The following STARD13 variants were observed in gnomAD, a reference collection of about 807,000 sequenced individuals.
STARD13 encodes stAR-related lipid transfer protein 13.
STARD13 carries 62 observed loss-of-function variants against 106.4 expected under a neutral mutation model. The observed-to-expected ratio is 0.58, with a 90% CI of 0.48 to 0.72. STARD13 has a LOEUF of 0.72. STARD13 is among the 30% of genes least tolerant of loss of function. The pLI is 0.00. For synonymous variants in STARD13, 565 were observed against 553.0 expected (o/e 1.02, Z -0.31); for missense variants, 1,387 against 1,424.0 (o/e 0.97, Z 0.42).
intron 1 of STARD13, among the ~76,000 whole-genome samples, chr13:33,270,809 T>C (rs1173796043): frequency 6.6e-6 from 1 of 152,230 alleles, no homozygotes; most frequent in Non-Finnish European, 1.5e-5. Context: ...GTCTTATCCA[T>C]AGTTTAGGCT....
the STARD13 span, among the ~76,000 whole-genome samples, chr13:33,593,111 C>T: frequency 8.9e-3 from 1,355 of 152,288 alleles, 14 homozygotes; most frequent in Non-Finnish European, 0.014. Context: ...CCAAGGCTGA[C>T]AATTATGTCA....
the STARD13 span, among the ~76,000 whole-genome samples, chr13:33,557,814 G>C: frequency 2.6e-5 from 4 of 152,162 alleles, no homozygotes; most frequent in Admixed American, 6.5e-5. Flanking sequence ...CCGTTGCTAA[G>C]AGGCAGGAAG....
At chr13:33,315,108 A>G (rs1208824175) in intron 1 of STARD13, among the ~76,000 whole-genome samples, 1 of 152,216 alleles carries the variant, frequency 6.6e-6, no homozygotes, top group Non-Finnish European at 1.5e-5. Context: ...ATACTTTGTC[A>G]AGGAACAGAC....
At chr13:33,654,884 T>C in the STARD13 span, 1 of 152,372 alleles carries the variant, frequency 6.6e-6, no homozygotes, top group East Asian at 1.9e-4. Context: ...GCCTCAGACT[T>C]AGCTGCTTCT....
chr13:33,167,483 C>A, intron 2 of STARD13, 68 bp downstream of exon 2: 1 of 1,526,448 alleles, frequency 6.6e-7, no homozygotes, highest in South Asian at 1.2e-5. Flanking sequence ...TCAAAACACA[C>A]CACAGGATAC....
At chr13:33,668,249 C>G in the STARD13 span, among the ~76,000 whole-genome samples, 5 of 152,258 alleles carry the variant, frequency 3.3e-5, no homozygotes, top group African/African-American at 9.6e-5. Context: ...TTTCAAATAT[C>G]TATTAAAAAA....
intron 7 of STARD13, among the ~76,000 whole-genome samples, chr13:33,122,888 CTA>C (rs922950569): frequency 6.6e-6 from 1 of 151,922 alleles, no homozygotes; most frequent in Non-Finnish European, 1.5e-5. Context: ...AACCCTATCT[CTA>C]TTAAAAATAC....
the STARD13 span, among the ~76,000 whole-genome samples, chr13:33,595,522 G>A: frequency 2.0e-5 from 3 of 152,076 alleles, no homozygotes; most frequent in African/African-American, 7.2e-5. Flanking sequence ...TATAAAATGT[G>A]TTAATATAGA....
At chr13:33,672,918 T>C in the STARD13 span, among the ~76,000 whole-genome samples, 1 of 152,238 alleles carries the variant, frequency 6.6e-6, no homozygotes, top group Non-Finnish European at 1.5e-5. Context: ...CTAGGATCCA[T>C]TGGCATCTCT....
chr13:33,425,305 A>C, the STARD13 span, among the ~76,000 whole-genome samples: 2 of 152,216 alleles, frequency 1.3e-5, no homozygotes, highest in Non-Finnish European at 2.9e-5. Flanking sequence ...AGGAACTGTC[A>C]GACCTGGCAT....
downstream of STARD13, among the ~76,000 whole-genome samples, chr13:33,344,277 A>T (rs1048569276): frequency 3.3e-5 from 5 of 152,308 alleles, no homozygotes; most frequent in Non-Finnish European, 5.9e-5. Flanking sequence ...TCTAATTTTA[A>T]TTGTATATTT....
chr13:33,316,057 G>A (rs912609915), intron 1 of STARD13, among the ~76,000 whole-genome samples: 1 of 152,154 alleles, frequency 6.6e-6, no homozygotes, highest in African/African-American at 2.4e-5. Context: ...TAATAAAATG[G>A]AAATCACTGT....
chr13:33,162,538 T>C (rs1233831727), intron 3 of STARD13, among the ~76,000 whole-genome samples: 2 of 152,230 alleles, frequency 1.3e-5, no homozygotes, highest in Non-Finnish European at 2.9e-5. Context: ...TGGAATGCCT[T>C]TAACAGCACC....
chr13:33,293,974 G>T (rs1892390007), intron 1 of STARD13, among the ~76,000 whole-genome samples: 1 of 152,032 alleles, frequency 6.6e-6, no homozygotes, highest in Non-Finnish European at 1.5e-5. Flanking sequence ...TCCCTCTAGA[G>T]AACCCTGACT....
At chr13:33,310,788 G>A (rs1893100383) in intron 1 of STARD13, among the ~76,000 whole-genome samples, 1 of 151,972 alleles carries the variant, frequency 6.6e-6, no homozygotes, top group African/African-American at 2.4e-5. Context: ...GTGTCCTTAG[G>A]CAATTTCATC....
the STARD13 span, among the ~76,000 whole-genome samples, chr13:33,504,990 C>T: frequency 5.3e-5 from 8 of 152,160 alleles, no homozygotes; most frequent in Admixed American, 5.2e-4. Context: ...AAGCCTGCTT[C>T]CCAAGTACAA....
intron 4 of STARD13, among the ~76,000 whole-genome samples, chr13:33,141,553 C>A (rs1003799368): frequency 4.6e-5 from 7 of 152,138 alleles, no homozygotes; most frequent in African/African-American, 1.7e-4. Flanking sequence ...AACCGAATTC[C>A]TTGTGGCTAG....
intron 7 of STARD13, among the ~76,000 whole-genome samples, chr13:33,119,358 G>A (rs1025466869): frequency 6.6e-6 from 1 of 152,172 alleles, no homozygotes; most frequent in East Asian, 1.9e-4. Flanking sequence ...GAACCTTCCT[G>A]AGTGGCTGGT....
At chr13:33,354,220 A>G (rs1400098615), upstream of STARD13, among the ~76,000 whole-genome samples, 1 of 152,148 alleles carries the variant, frequency 6.6e-6, no homozygotes, top group African/African-American at 2.4e-5. Flanking sequence ...CCCTTCCCTG[A>G]ATTTCAGCAT....
Sources: allele counts gnomAD v4.1 joint callset (sites outside exome capture counted in the v4.1 genomes callset), GRCh38; gene constraint gnomAD v4.1.1; transcripts MANE v1.5; gene names NCBI Gene and HGNC (gene_info 2026-07-23, HGNC 2026-07-21).